PCNT: variants seen among roughly 807,000 people sequenced by gnomAD.
The protein encoded by PCNT is pericentrin, also known as kendrin.
In PCNT, 319 loss-of-function variants were observed where a neutral mutation model predicts 380.4. That is an observed-to-expected ratio of 0.84 (90% CI 0.77 to 0.92). The LOEUF is 0.92. PCNT is among the 40% of genes least tolerant of loss of function. PCNT has a pLI of 0.00. For synonymous variants in PCNT, 1,845 were observed against 1,735.2 expected (o/e 1.06, Z -1.57); for missense variants, 4,400 against 4,255.3 (o/e 1.03, Z -0.95).
rs774974327 is a variant in PCNT, at chr21:46,326,505, C to T, written c.183C>T (p.Ser61=). The part of the protein sequence containing the change: ...QEESPVTKED[S]ALCGGGDICK... Reference sequence around the variant, plus strand: ...AGAGTCCGGTAACCAAGGAGGACAGCGCACTCTGTGGAGGAGGGGACATTT... The same window carrying T: ...AGAGTCCGGTAACCAAGGAGGACAGTGCACTCTGTGGAGGAGGGGACATTT... Residue 61 remains serine (S), a synonymous_variant, in exon 2 of 47, where the codon AGC becomes AGT. Coordinates refer to ENST00000359568, the MANE Select transcript of PCNT (RefSeq NM_006031.6). The T allele has an allele frequency of 1.9e-6, 3 of 1,614,058 alleles. No individual in the cohort carries two copies. Among genetic ancestry groups the T allele is most frequent in the African/African-American group, 1.3e-5 (1 of 74,930 alleles).
intron 34 of PCNT, 42 bp from the exon 35 acceptor site, chr21:46,428,353 G>T: frequency 1.3e-6 from 2 of 1,567,834 alleles, no homozygotes; most frequent in Non-Finnish European, 1.7e-6. Flanking sequence ...GGCATGGGGT[G>T]GCTGCCCAAT....
intron 3 of PCNT, among the ~76,000 whole-genome samples, chr21:46,344,983 G>A (rs536225790): frequency 2.6e-5 from 4 of 152,302 alleles, no homozygotes; most frequent in East Asian, 1.9e-4. Flanking sequence ...CTGAGGATTC[G>A]TAATATTCTT....
At chr21:46,419,395 C>G (rs1282917563) in intron 31 of PCNT, among the ~76,000 whole-genome samples, 1 of 152,220 alleles carries the variant, frequency 6.6e-6, no homozygotes, top group Non-Finnish European at 1.5e-5. Context: ...GAAATGTCTT[C>G]TCGTATTTGC....
At position 46,440,075 on chromosome 21, in the gene PCNT, C is replaced by G; in HGVS notation, c.9274-8C>G. 4 of 1,613,990 alleles carry G rather than the reference C, an allele frequency of 2.5e-6. No homozygotes were observed. Among genetic ancestry groups the G allele is most frequent in the Non-Finnish European group, 3.4e-6 (4 of 1,180,012 alleles). On this transcript the variant is annotated splice_region_variant and splice_polypyrimidine_tract_variant and intron_variant, in intron 41 of 46. Coordinates refer to ENST00000359568, the MANE Select transcript of PCNT (RefSeq NM_006031.6). ...TCTGTAGACAGCGCTGGCTGTGCTT[C>G]CTTACAGAGGTCGGAAAGGTCTGCT...
chr21:46,436,194 C>A lies in PCNT; in HGVS notation c.8996+46C>A, dbSNP rs374381678. ...GCGCTCACTGGTCCCTTGCAGCCACCCCTCTGTCCCAGACCCGGCCCGAGG... is the reference window on the plus strand; with the variant it reads ...GCGCTCACTGGTCCCTTGCAGCCACACCTCTGTCCCAGACCCGGCCCGAGG... On this transcript the variant is annotated intron_variant, in intron 39 of 46. Transcript: ENST00000359568. 104 of 1,597,214 alleles carry A rather than the reference C, an allele frequency of 6.5e-5. No homozygotes were observed. In the East Asian group the frequency reaches 1.5e-3, roughly 24 times the overall value.
At chr21:46,346,587 C>A (rs1255103715) in intron 4 of PCNT, 156 bp from the exon 5 acceptor site, 5 of 898,364 alleles carry the variant, frequency 5.6e-6, no homozygotes, top group Non-Finnish European at 1.7e-6. Context: ...ATCTCAGTGG[C>A]ATCCGGGCCT....
intron 17 of PCNT, among the ~76,000 whole-genome samples, chr21:46,386,944 C>G (rs1313084296): frequency 6.6e-6 from 1 of 152,182 alleles, no homozygotes; most frequent in Non-Finnish European, 1.5e-5. Flanking sequence ...GCTGCTGCTC[C>G]CATCTGTGTG....
At chr21:46,370,495 T>TGGAGAGCCTGGGGGCTGACA (rs2085081754) in intron 15 of PCNT, among the ~76,000 whole-genome samples, 1 of 150,452 alleles carries the variant, frequency 6.6e-6, no homozygotes, top group Non-Finnish European at 1.5e-5. Context: ...GGGAGGGGCA[T>TGGAGAGCCTGGGGGCTGACA]GGAGAGCCTG....
At chr21:46,355,380 C>A in intron 11 of PCNT, 72 bp from the exon 12 acceptor site, 1 of 1,503,898 alleles carries the variant, frequency 6.6e-7, no homozygotes, top group African/African-American at 1.4e-5. Context: ...CAGGAAACAC[C>A]TTTGAGGGTT....
intron 13 of PCNT, among the ~76,000 whole-genome samples, chr21:46,360,394 T>G (rs866572381): frequency 2.7e-5 from 4 of 149,582 alleles, no homozygotes; most frequent in Middle Eastern, 3.5e-3. Context: ...TGGCTAGTTT[T>G]TTTTTTACAT....
chr21:46,354,568 G>A (rs1018255796), intron 11 of PCNT, among the ~76,000 whole-genome samples: 6 of 152,204 alleles, frequency 3.9e-5, no homozygotes, highest in African/African-American at 1.4e-4. Flanking sequence ...AGTATGTGTG[G>A]CTGTGGAGCA....
intron 15 of PCNT, among the ~76,000 whole-genome samples, chr21:46,379,218 C>T (rs2085428715): frequency 6.6e-6 from 1 of 152,202 alleles, no homozygotes. Flanking sequence ...TCCGCTGCCT[C>T]CCCTGTCATC....
At chr21:46,352,286 G>A (rs529093047) in intron 9 of PCNT, among the ~76,000 whole-genome samples, 2 of 152,372 alleles carry the variant, frequency 1.3e-5, no homozygotes, top group African/African-American at 4.8e-5. Flanking sequence ...CAGGGCACCA[G>A]GCCTGGCTCC....
chr21:46,383,727 GAT>G (rs2085691581), intron 16 of PCNT, among the ~76,000 whole-genome samples: 1 of 144,012 alleles, frequency 6.9e-6, no homozygotes, highest in African/African-American at 2.6e-5. Flanking sequence ...TATATTCAGT[GAT>G]GGAAGCGCAT....
chr21:46,416,906 A>T, intron 30 of PCNT, 67 bp downstream of exon 30: 1 of 1,515,206 alleles, frequency 6.6e-7, no homozygotes, highest in Non-Finnish European at 8.9e-7. Flanking sequence ...GCGCCACGGC[A>T]GCTGCCATTG....
Position 46,422,136 on chromosome 21 carries a change from A to G in PCNT, c.7179+12A>G, listed in dbSNP as rs1276435967. 6.2e-7 allele frequency: 1 copy of G among 1,612,968 alleles called. No homozygotes were observed. Among genetic ancestry groups the G allele is most frequent in the South Asian group, 1.1e-5 (1 of 91,076 alleles). On this transcript the variant is annotated intron_variant, in intron 32 of 46. Transcript: ENST00000359568. ...CGAAGCACGTGAAGGTATGGCTGGCAGGGGCGGCCCTCACAGCTTCACATG... is the reference window on the plus strand; with the variant it reads ...CGAAGCACGTGAAGGTATGGCTGGCGGGGGCGGCCCTCACAGCTTCACATG...
chr21:46,423,062 A>G (rs1366193879), intron 32 of PCNT, among the ~76,000 whole-genome samples: 1 of 152,206 alleles, frequency 6.6e-6, no homozygotes, highest in Non-Finnish European at 1.5e-5. Flanking sequence ...AGCCTGGGCA[A>G]CATAGTAAGA....
chr21:46,400,917 C>T (rs1036841708), intron 25 of PCNT, among the ~76,000 whole-genome samples: 4 of 152,194 alleles, frequency 2.6e-5, no homozygotes, highest in South Asian at 2.1e-4. Flanking sequence ...CAGGGAGGAC[C>T]GCTGAGCATC....
chr21:46,357,336 T>C, intron 13 of PCNT, 145 bp downstream of exon 13: 1 of 714,176 alleles, frequency 1.4e-6, no homozygotes, highest in Non-Finnish European at 2.5e-6. Context: ...GACAGTCCCG[T>C]AAATTCTTGA....
Sources: gnomAD v4.1 joint callset for allele counts (sites outside exome capture counted in the v4.1 genomes callset) on GRCh38, gnomAD v4.1.1 for gene constraint, MANE v1.5 for transcripts, NCBI Gene and HGNC (gene_info 2026-07-23, HGNC 2026-07-21) for gene names.